Variants in ITGA1 observed in about 807,000 individuals in gnomAD.
ITGA1 encodes the protein integrin subunit alpha 1, also known as integrin alpha-1.
A neutral mutation model predicts 145.9 loss-of-function variants in ITGA1; 85 were observed. The ratio of observed to expected loss-of-function variants is 0.58; its 90% CI spans 0.49 to 0.70. ITGA1 has a LOEUF of 0.70. Among genes scored for constraint, ITGA1 ranks in the 30% least tolerant of loss-of-function variants. The pLI is 0.00. For synonymous variants in ITGA1, 520 were observed against 495.3 expected (o/e 1.05, Z -0.66); for missense variants, 1,351 against 1,418.7 (o/e 0.95, Z 0.77).
At chr5:52,826,760 T>A (rs566688098) in intron 1 of ITGA1, among the ~76,000 whole-genome samples, 13 of 152,216 alleles carry the variant, frequency 8.5e-5, no homozygotes, top group African/African-American at 3.1e-4. Context: ...TACAGCATAG[T>A]TAACTGCATA....
intron 2 of ITGA1, among the ~76,000 whole-genome samples, chr5:52,854,123 C>A (rs555614932): frequency 1.6e-4 from 25 of 152,278 alleles, no homozygotes; most frequent in Admixed American, 1.0e-3. Context: ...TCAGGATCCA[C>A]CCTTGCCAAC....
In ITGA1 at chr5:52,925,361, G is replaced by A. The variant is rs1750789332; in HGVS notation, c.2487G>A (p.Leu829=). ...SLHVATTEKD[L]LIVRSQNDKF... ...ATGTCGCCACCACTGAAAAGGACCT[G>A]CTGATTGTCCGATCCCAGAATGATA... Residue 829 remains leucine (L), a synonymous_variant, in exon 19 of 29, where the codon CTG becomes CTA. Transcript: ENST00000282588. 2 of 1,613,938 alleles carry A rather than the reference G, an allele frequency of 1.2e-6. No individual in the cohort carries two copies. Among genetic ancestry groups the A allele is most frequent in the South Asian group, 1.1e-5 (1 of 91,088 alleles).
chr5:52,921,511 C>T (rs948908238), intron 17 of ITGA1, among the ~76,000 whole-genome samples: 6 of 151,974 alleles, frequency 3.9e-5, no homozygotes, highest in Admixed American at 6.6e-5. Context: ...GGAGTTGCCC[C>T]TCCTATTTAG....
intron 1 of ITGA1, among the ~76,000 whole-genome samples, chr5:52,847,494 G>A (rs1366371171): frequency 6.6e-6 from 1 of 152,168 alleles, no homozygotes; most frequent in African/African-American, 2.4e-5. Flanking sequence ...ACCTCTGAAT[G>A]TACCTGATGA....
At chr5:52,888,472 TA>T (rs753946848) in intron 8 of ITGA1, among the ~76,000 whole-genome samples, 7 of 152,186 alleles carry the variant, frequency 4.6e-5, no homozygotes, top group Non-Finnish European at 1.0e-4. Flanking sequence ...ATCACTTAGC[TA>T]AAGTGGGGGA....
At chr5:52,883,802 T>C (rs763090596) in intron 7 of ITGA1, among the ~76,000 whole-genome samples, 1 of 152,214 alleles carries the variant, frequency 6.6e-6, no homozygotes, top group African/African-American at 2.4e-5. Context: ...GAAAGGACAC[T>C]GGATACTGGT....
intron 17 of ITGA1, among the ~76,000 whole-genome samples, chr5:52,921,105 G>T (rs1561250061): frequency 6.6e-6 from 1 of 151,976 alleles, no homozygotes; most frequent in African/African-American, 2.4e-5. Context: ...GGGACACTGT[G>T]TATATGGGGA....
intron 1 of ITGA1, chr5:52,801,198 G>C (rs1462703566): frequency 3.6e-6 from 5 of 1,383,456 alleles, no homozygotes; most frequent in Non-Finnish European, 3.9e-6. Context: ...TTTAGAACTG[G>C]GAAAAATAAG....
intron 1 of ITGA1, among the ~76,000 whole-genome samples, chr5:52,790,834 C>G (rs1297932104): frequency 6.6e-6 from 1 of 152,230 alleles, no homozygotes; most frequent in Non-Finnish European, 1.5e-5. Flanking sequence ...TTCTGCCTAC[C>G]ACAACCCATA....
At chr5:52,907,454 T>G (rs1400781169) in intron 12 of ITGA1, among the ~76,000 whole-genome samples, 1 of 152,134 alleles carries the variant, frequency 6.6e-6, no homozygotes, top group Non-Finnish European at 1.5e-5. Flanking sequence ...ACAAGAAGTG[T>G]CAAATTTTAT....
At chr5:52,797,748 GAAA>G (rs1408739999) in intron 1 of ITGA1, among the ~76,000 whole-genome samples, 2 of 152,190 alleles carry the variant, frequency 1.3e-5, no homozygotes, top group Non-Finnish European at 2.9e-5. Context: ...ATGTGATCTT[GAAA>G]ACATTTCTTA....
At chr5:52,855,162 G>C (rs1200000697) in intron 2 of ITGA1, among the ~76,000 whole-genome samples, 3 of 152,070 alleles carry the variant, frequency 2.0e-5, no homozygotes, top group African/African-American at 7.2e-5. Context: ...ATGTCCAAAG[G>C]TTTAATATAG....
chr5:52,805,610 T>C (rs1738516612), intron 1 of ITGA1, among the ~76,000 whole-genome samples: 1 of 151,970 alleles, frequency 6.6e-6, no homozygotes, highest in South Asian at 2.1e-4. Context: ...TTAAAAATGG[T>C]AATTAAAAAA....
chr5:52,946,878 A>G (rs1454824099), intron 27 of ITGA1, among the ~76,000 whole-genome samples: 1 of 152,240 alleles, frequency 6.6e-6, no homozygotes, highest in Non-Finnish European at 1.5e-5. Context: ...ACATGTATGC[A>G]TTATACTTTC....
chr5:52,903,142 CAAACATAATTTTTAACTCATTTTTA>C, intron 11 of ITGA1: 1 of 152,020 alleles, frequency 6.6e-6, no homozygotes, highest in Non-Finnish European at 1.5e-5. Context: ...CTCCTAGCCT[CAAACATAATTTTTAACTCATTTTTA>C]AAGGAGGCCT....
chr5:52,872,861 A>G lies in ITGA1; in HGVS notation c.624+7044A>G, dbSNP rs535868328. On this transcript the variant is annotated intron_variant, in intron 6 of 28. Coordinates refer to ENST00000282588, the MANE Select transcript of ITGA1 (RefSeq NM_181501.2). The stretch of plus-strand genomic sequence containing the variant: ...ATGATTATCCTACCCACTGTTCTTG[A>G]GAAAAATGCCTTCCTCTCCTATGTT... 3.3e-5 allele frequency among the ~76,000 whole-genome samples: 5 copies of G among 152,252 alleles called. 1 individual carries two copies. In the South Asian group the frequency reaches 8.3e-4, roughly 25 times the overall value.
At chr5:52,815,531 G>C (rs1011687119) in intron 1 of ITGA1, among the ~76,000 whole-genome samples, 1 of 152,180 alleles carries the variant, frequency 6.6e-6, no homozygotes, top group Non-Finnish European at 1.5e-5. Context: ...GTAGATGTTG[G>C]GAGGAGCCTG....
rs58090129 is a variant in ITGA1 at position 52,955,346 on chromosome 5, CAGAT to C, written c.*2941_*2944del. On this transcript the variant is annotated 3_prime_UTR_variant, in exon 29 of 29. Transcript: ENST00000282588. Reference sequence around the variant, plus strand: ...CCACTGAGACAGATTACACGATAGACAGATAGATAGATAGATAGATAGATAGATA... The same window carrying C: ...CCACTGAGACAGATTACACGATAGACAGATAGATAGATAGATAGATAGATA... The C allele has an allele frequency of 0.3, 43,918 of 147,922 alleles. 6,665 individuals carry two copies. Among genetic ancestry groups the C allele is most frequent in the Non-Finnish European group, 0.32 (21,493 of 66,996 alleles). 9.2% of individuals were successfully genotyped at this position (147,922 alleles called of 1,614,324 possible).
At chr5:52,886,275 A>T (rs1387594037) in intron 7 of ITGA1, among the ~76,000 whole-genome samples, 7 of 152,242 alleles carry the variant, frequency 4.6e-5, no homozygotes, top group Non-Finnish European at 8.8e-5. Flanking sequence ...CAGAACTGAC[A>T]GTTGTCAACA....
Sources: gnomAD v4.1 joint callset for allele counts (sites outside exome capture counted in the v4.1 genomes callset) on GRCh38, gnomAD v4.1.1 for gene constraint, MANE v1.5 for transcripts, NCBI Gene and HGNC (gene_info 2026-07-23, HGNC 2026-07-21) for gene names.